STPG2: variants seen among roughly 807,000 people sequenced by gnomAD.
The protein encoded by STPG2 is sperm-tail PG-rich repeat-containing protein 2.
Under a neutral mutation model 54.2 loss-of-function variants are expected in STPG2, and 56 were observed. The ratio of observed to expected loss-of-function variants is 1.03; its 90% CI spans 0.83 to 1.29. The LOEUF is 1.29. STPG2 is among the 50% of genes most tolerant of loss of function. The probability of loss-of-function intolerance (pLI) is 0.00; values close to 1 mark genes in which losing one functional copy is unlikely to be tolerated. For missense variants in STPG2, 596 were observed against 544.9 expected, an observed-to-expected ratio of 1.09 and a Z score of -0.93; for synonymous variants, 200 against 181.8, an observed-to-expected ratio of 1.10 and a Z score of -0.81.
chr4:97,602,221 T>C (rs998977883), intron 10 of STPG2, among the ~76,000 whole-genome samples: 1 of 151,810 alleles, frequency 6.6e-6, no homozygotes, highest in Non-Finnish European at 1.5e-5. Flanking sequence ...ATTTTATCCA[T>C]GTACTATGTA....
At chr4:97,582,698 G>A (rs1183153936) in intron 10 of STPG2, among the ~76,000 whole-genome samples, 1 of 152,000 alleles carries the variant, frequency 6.6e-6, no homozygotes, top group Admixed American at 6.6e-5. Flanking sequence ...AAGTAAATTT[G>A]TGGCACAATT....
At chr4:97,607,338 T>C (rs1733622232) in intron 10 of STPG2, among the ~76,000 whole-genome samples, 2 of 152,012 alleles carry the variant, frequency 1.3e-5, no homozygotes, top group East Asian at 1.9e-4. Flanking sequence ...CAGACTTATA[T>C]AAGGAGCGGA....
chr4:97,710,124 T>C (rs902867577), intron 10 of STPG2, among the ~76,000 whole-genome samples: 6 of 151,644 alleles, frequency 4.0e-5, no homozygotes, highest in African/African-American at 7.3e-5. Context: ...ATGCACATTT[T>C]TTATGAGTAT....
intron 1 of STPG2, among the ~76,000 whole-genome samples, chr4:98,140,886 C>A (rs1203103737): frequency 1.3e-5 from 2 of 152,150 alleles, no homozygotes; most frequent in African/African-American, 4.8e-5. Context: ...TAGGAGAAAG[C>A]TCACCTTAGA....
chr4:97,634,601 A>C (rs1217979979), intron 10 of STPG2, among the ~76,000 whole-genome samples: 1 of 150,634 alleles, frequency 6.6e-6, no homozygotes, highest in African/African-American at 2.4e-5. Flanking sequence ...AAAAAAATTT[A>C]GAAGAATGTA....
At chr4:97,544,724 A>G (rs1239537325) in intron 4 of STPG2, among the ~76,000 whole-genome samples, 1 of 152,122 alleles carries the variant, frequency 6.6e-6, no homozygotes, top group African/African-American at 2.4e-5. Context: ...CATAGTGCCT[A>G]ATCTCTACTT....
intron 5 of STPG2, among the ~76,000 whole-genome samples, chr4:98,014,527 T>C (rs1735868948): frequency 6.6e-6 from 1 of 152,188 alleles, no homozygotes; most frequent in East Asian, 1.9e-4. Context: ...CCGCTGCTGC[T>C]TCTAGTCAGC....
intron 9 of STPG2, among the ~76,000 whole-genome samples, chr4:97,723,381 C>T (rs1340253292): frequency 6.6e-6 from 1 of 152,048 alleles, no homozygotes; most frequent in Non-Finnish European, 1.5e-5. Flanking sequence ...ACTGTGTTCA[C>T]TATTGGGATG....
chr4:97,707,762 C>T (rs1037653036), intron 10 of STPG2, among the ~76,000 whole-genome samples: 1 of 151,816 alleles, frequency 6.6e-6, no homozygotes, highest in African/African-American at 2.4e-5. Flanking sequence ...TGTGTCAAAC[C>T]TAATACCAAA....
At chr4:97,827,954 T>C (rs570068844) in intron 9 of STPG2, among the ~76,000 whole-genome samples, 2 of 152,048 alleles carry the variant, frequency 1.3e-5, no homozygotes, top group African/African-American at 2.4e-5. Flanking sequence ...ACCTAACTTA[T>C]AGGTATTTAA....
intron 7 of STPG2, 68 bp downstream of exon 7, chr4:97,972,212 A>G: frequency 9.4e-7 from 1 of 1,064,832 alleles, no homozygotes; most frequent in Non-Finnish European, 1.3e-6. Context: ...TATAACATGT[A>G]ATTTCAAGAG....
At chr4:97,662,489 A>G (rs1430619412) in intron 10 of STPG2, among the ~76,000 whole-genome samples, 1 of 152,188 alleles carries the variant, frequency 6.6e-6, no homozygotes, top group East Asian at 1.9e-4. Flanking sequence ...ATTACCATTC[A>G]ACCCAGCAAT....
Position 97,756,781 on chromosome 4 carries a change from G to GA in STPG2, c.1205-43968dup, listed in dbSNP as rs1037709197. On this transcript the variant is annotated intron_variant, in intron 9 of 10. Coordinates refer to ENST00000295268, the MANE Select transcript of STPG2 (RefSeq NM_174952.3). The stretch of plus-strand genomic sequence containing the variant: ...TATTTTCTTCCTTTTTATTTCAATG[G>GA]AAAAAAAAAACTGATTGCAGGCCAC... 7.6e-4 allele frequency among the ~76,000 whole-genome samples: 111 copies of GA among 145,766 alleles called. 1 individual carries two copies. The highest frequency in any genetic ancestry group is 1.6e-3 in the Admixed American group (24 of 14,636).
At chr4:97,592,976 C>A (rs1733184136) in intron 10 of STPG2, among the ~76,000 whole-genome samples, 1 of 152,074 alleles carries the variant, frequency 6.6e-6, no homozygotes, top group South Asian at 2.1e-4. Context: ...ACATCATGCT[C>A]CTCTAAGAGA....
chr4:97,993,803 T>G (rs536402697), intron 5 of STPG2, among the ~76,000 whole-genome samples: 5 of 152,184 alleles, frequency 3.3e-5, no homozygotes, highest in Non-Finnish European at 7.3e-5. Context: ...TTCTTCCTGG[T>G]TTAATCTAAA....
rs114286209 is a variant in STPG2, at chr4:97,980,482, T to A, written c.772+677A>T. ...AGTTCTGTGGCTGGGTCATAAAAAA[T>A]CTTGCAGCATCTGGTCAGGTCTCAT... is the stretch of plus-strand genomic sequence containing the variant. On this transcript the variant is annotated intron_variant, in intron 6 of 10. Coordinates refer to ENST00000295268, the MANE Select transcript of STPG2 (RefSeq NM_174952.3). 4.3e-3 allele frequency among the ~76,000 whole-genome samples: 647 copies of A among 152,220 alleles called. 2 individuals carry two copies. Among genetic ancestry groups the A allele is most frequent in the African/African-American group, 0.015 (611 of 41,530 alleles).
chr4:97,811,527 A>C (rs1727741434), intron 9 of STPG2, among the ~76,000 whole-genome samples: 1 of 142,636 alleles, frequency 7.0e-6, no homozygotes, highest in Non-Finnish European at 1.5e-5. Context: ...TATTCTCATA[A>C]GTTGTAGCAG....
intron 10 of STPG2, among the ~76,000 whole-genome samples, chr4:97,638,445 A>G (rs1721638639): frequency 1.3e-5 from 2 of 152,308 alleles, no homozygotes; most frequent in East Asian, 1.9e-4. Context: ...CAAGGACTTC[A>G]TGTCTAAAAC....
intron 8 of STPG2, among the ~76,000 whole-genome samples, chr4:97,880,620 G>A (rs1044936219): frequency 3.9e-5 from 6 of 151,996 alleles, no homozygotes; most frequent in African/African-American, 1.2e-4. Context: ...TGTCTTTTAA[G>A]AATTGATCAT....
Sources: allele counts gnomAD v4.1 joint callset (sites outside exome capture counted in the v4.1 genomes callset), GRCh38; gene constraint gnomAD v4.1.1; transcripts MANE v1.5; gene names NCBI Gene and HGNC (gene_info 2026-07-23, HGNC 2026-07-21).